Variants in ST7 observed in about 807,000 individuals in gnomAD.
The protein encoded by ST7 is suppression of tumorigenicity 7.
In ST7, 28 loss-of-function variants were observed where a neutral mutation model predicts 78.7. That is an observed-to-expected ratio of 0.36 (90% CI 0.26 to 0.49). The LOEUF (loss-of-function observed/expected upper bound fraction) is 0.49. ST7 is among the 20% of genes least tolerant of loss of function. ST7 has a pLI of 0.99. For missense variants in ST7, 418 were observed against 696.0 expected (o/e 0.60, Z 4.49); for synonymous variants, 247 against 249.6 (o/e 0.99, Z 0.10).
At chr7:117,194,340 G>C (rs1000823806) in intron 12 of ST7, among the ~76,000 whole-genome samples, 1 of 152,070 alleles carries the variant, frequency 6.6e-6, no homozygotes, top group African/African-American at 2.4e-5. Context: ...ATAACTATTT[G>C]TTCATCATTC....
intron 9 of ST7, among the ~76,000 whole-genome samples, chr7:117,148,485 C>G (rs1261587697): frequency 6.6e-6 from 1 of 152,086 alleles, no homozygotes; most frequent in East Asian, 1.9e-4. Flanking sequence ...ATGTTTATCC[C>G]ATTCGTGTTT....
At chr7:116,999,973 G>A (rs2116439397) in intron 1 of ST7, among the ~76,000 whole-genome samples, 1 of 151,986 alleles carries the variant, frequency 6.6e-6, no homozygotes, top group South Asian at 2.1e-4. Context: ...ACCACGCCCA[G>A]CTAATTTTTT....
chr7:117,003,711 C>T (rs540571058), intron 1 of ST7, among the ~76,000 whole-genome samples: 8 of 152,200 alleles, frequency 5.3e-5, no homozygotes, highest in African/African-American at 1.4e-4. Flanking sequence ...AGCATTAGAG[C>T]GTGAGCCACC....
intron 6 of ST7, 79 bp downstream of exon 6, chr7:117,132,039 C>A: frequency 7.4e-7 from 1 of 1,350,448 alleles, no homozygotes; most frequent in Non-Finnish European, 1.0e-6. Flanking sequence ...TGATAGGATA[C>A]TTAAATTAAA....
rs1796337564 is a variant in ST7, at chr7:117,028,963, A to G, written c.152-70799A>G. 1.3e-5 allele frequency among the ~76,000 whole-genome samples: 2 copies of G among 152,206 alleles called. 1 individual carries two copies. The highest frequency in any genetic ancestry group is 1.3e-4 in the Admixed American group (2 of 15,270). ...CAGTTGAAAATCCACATGACCTTTT[A>G]CCACTAAAAACGTAACTACTAATAG... On this transcript the variant is annotated intron_variant, in intron 1 of 15. Coordinates refer to ENST00000323984, the MANE Select transcript of ST7 (RefSeq NM_001369598.1).
chr7:117,052,043 G>T (rs557849905), intron 1 of ST7, among the ~76,000 whole-genome samples: 58 of 152,286 alleles, frequency 3.8e-4, no homozygotes, highest in African/African-American at 1.3e-3. Context: ...TGCAGCCTCT[G>T]TGTCATCAAT....
chr7:117,229,750 G>A lies in ST7; in HGVS notation c.1639-12G>A. 1 of 1,602,930 alleles carries A rather than the reference G, an allele frequency of 6.2e-7. No individual in the cohort carries two copies. Among genetic ancestry groups the A allele is most frequent in the Non-Finnish European group, 8.5e-7 (1 of 1,175,246 alleles). On this transcript the variant is annotated splice_polypyrimidine_tract_variant and intron_variant, in intron 15 of 15. Coordinates refer to ENST00000323984, the MANE Select transcript of ST7 (RefSeq NM_001369598.1). The stretch of plus-strand genomic sequence containing the variant: ...TTCTGCTGACTTCTGTGTCTGTCTG[G>A]TTTCTTTGCAGTTCCTCAGCACTTT...
chr7:117,069,206 A>G (rs1303115787), intron 1 of ST7, among the ~76,000 whole-genome samples: 2 of 152,254 alleles, frequency 1.3e-5, no homozygotes, highest in Non-Finnish European at 2.9e-5. Flanking sequence ...GTAGATGAAA[A>G]TTTAAAACTT....
intron 1 of ST7, chr7:117,081,106 T>C (rs1799740798): frequency 6.6e-6 from 1 of 152,186 alleles, no homozygotes. Context: ...TTAGTTATTT[T>C]ATTTCCAAAT....
At chr7:117,128,267 A>G (rs1804026359) in intron 3 of ST7, 1 of 151,918 alleles carries the variant, frequency 6.6e-6, no homozygotes, top group Non-Finnish European at 1.5e-5. Context: ...TAATAGCCAT[A>G]AGAGCAGGGA....
intron 9 of ST7, chr7:117,145,652 A>C (rs1286943881): frequency 6.6e-6 from 1 of 152,088 alleles, no homozygotes; most frequent in Non-Finnish European, 1.5e-5. Flanking sequence ...ACCTCATCTT[A>C]AGTTGATTGT....
chr7:117,122,914 A>C (rs1418300545), intron 3 of ST7, among the ~76,000 whole-genome samples: 1 of 152,200 alleles, frequency 6.6e-6, no homozygotes, highest in Non-Finnish European at 1.5e-5. Flanking sequence ...TTTCTATTTC[A>C]TAGTCTCATT....
chr7:117,076,084 C>T (rs1799316592), intron 1 of ST7, among the ~76,000 whole-genome samples: 1 of 152,172 alleles, frequency 6.6e-6, no homozygotes, highest in Non-Finnish European at 1.5e-5. Context: ...TTTAATCAGT[C>T]AGGGAGATGG....
intron 1 of ST7, among the ~76,000 whole-genome samples, chr7:116,985,171 G>A (rs1011074692): frequency 6.6e-6 from 1 of 152,092 alleles, no homozygotes; most frequent in Non-Finnish European, 1.5e-5. Flanking sequence ...ATTTAGGGTA[G>A]GATTTGATGA....
rs1364838458 is a variant in ST7 at position 117,230,110 on chromosome 7, G to A, written c.*253G>A. 1 of 637,754 alleles carries A rather than the reference G, an allele frequency of 1.6e-6. No individual in the cohort carries two copies. The highest frequency in any genetic ancestry group is 1.6e-5 in the South Asian group (1 of 61,036). The allele number at this position is 637,754 out of a possible 1,614,324, so 39.5% of individuals were successfully genotyped here. A position where few individuals can be genotyped will look rare whatever the true frequency, so the allele number is the denominator to read the frequency against. ...CTTTTGTGTATTACAGCAATCATTTGTATCCTCCTGTGTCTTCCAACCCTA... is the reference window on the plus strand; with the variant it reads ...CTTTTGTGTATTACAGCAATCATTTATATCCTCCTGTGTCTTCCAACCCTA... On this transcript the variant is annotated 3_prime_UTR_variant, in exon 16 of 16. Transcript: ENST00000323984.
Position 117,031,249 on chromosome 7 carries a change from A to C in ST7, c.152-68513A>C, listed in dbSNP as rs1448335950. Among the ~76,000 whole-genome samples, 5 of 151,878 alleles carry C rather than the reference A, an allele frequency of 3.3e-5. No homozygotes were observed. In the East Asian group the frequency reaches 9.6e-4, roughly 29 times the overall value. On this transcript the variant is annotated intron_variant, in intron 1 of 15. Transcript: ENST00000323984. ...AAAAACCCACAAAAAACTTTTGGGT[A>C]CTGCGCTTATTACTGAGGTGACAAA... is the stretch of plus-strand genomic sequence containing the variant.
Position 117,136,911 on chromosome 7 carries a change from A to G in ST7, c.865+676A>G, listed in dbSNP as rs544736291. 13 of 152,292 alleles carry G rather than the reference A, an allele frequency of 8.5e-5. No homozygotes were observed. In the East Asian group the frequency reaches 2.5e-3, roughly 29 times the overall value. The allele number at this position is 152,292 out of a possible 1,614,324, so 9.4% of individuals were successfully genotyped here. A position where few individuals can be genotyped will look rare whatever the true frequency, so the allele number is the denominator to read the frequency against. ...CGTGGGGGAACAGTATAGAAACAAA[A>G]CAACGAAATCATTTCTGGAATTCCC... On this transcript the variant is annotated intron_variant, in intron 8 of 15. Coordinates refer to ENST00000323984, the MANE Select transcript of ST7 (RefSeq NM_001369598.1).
chr7:117,039,089 T>G (rs1797069523), intron 1 of ST7, among the ~76,000 whole-genome samples: 1 of 152,142 alleles, frequency 6.6e-6, no homozygotes, highest in Non-Finnish European at 1.5e-5. Context: ...ACTTAGGTTT[T>G]CTTTTTTTGC....
At chr7:116,993,781 C>T (rs1375976056) in intron 1 of ST7, among the ~76,000 whole-genome samples, 1 of 152,148 alleles carries the variant, frequency 6.6e-6, no homozygotes, top group East Asian at 1.9e-4. Flanking sequence ...TTGAGACTCA[C>T]CATGTAGAAA....
Sources: gnomAD v4.1 joint callset for allele counts (sites outside exome capture counted in the v4.1 genomes callset) on GRCh38, gnomAD v4.1.1 for gene constraint, MANE v1.5 for transcripts, NCBI Gene and HGNC (gene_info 2026-07-23, HGNC 2026-07-21) for gene names.